Variants in BNIP5 observed in about 807,000 individuals in gnomAD.
BNIP5 encodes the protein protein BNIP5.
Under a neutral mutation model 67.3 loss-of-function variants are expected in BNIP5, and 61 were observed. The observed-to-expected ratio is 0.91, with a 90% CI of 0.74 to 1.12. The LOEUF is 1.12. Ranked by LOEUF, BNIP5 falls within the 50% of genes most tolerant of loss-of-function variation. The pLI, the probability that BNIP5 is intolerant of heterozygous loss-of-function variation, is 0.00. For missense variants in BNIP5, 826 were observed against 816.3 expected (o/e 1.01, Z -0.14); for synonymous variants, 317 against 319.0 (o/e 0.99, Z 0.07).
At chr6:36,320,273 A>G (rs1304458246) in intron 10 of BNIP5, among the ~76,000 whole-genome samples, 3 of 152,202 alleles carry the variant, frequency 2.0e-5, no homozygotes, top group African/African-American at 7.2e-5. Context: ...GAGACCTGGA[A>G]CAAGAATGGG....
rs549369060 is a variant in BNIP5 at position 36,330,694 on chromosome 6, G to A, written c.-4C>T. ...TTGGGCACCTTGGATTCTCCATCGG[G>A]CTGCAACCAAAACACACAGCTCCCT... On this transcript the variant is annotated splice_region_variant and 5_prime_UTR_variant, in exon 2 of 12. Transcript: ENST00000437635. 5 of 1,548,772 alleles carry A rather than the reference G, an allele frequency of 3.2e-6. No homozygotes were observed. The highest frequency in any genetic ancestry group is 4.3e-6 in the Non-Finnish European group (5 of 1,156,892).
At chr6:36,329,717 C>T (rs887280311) in intron 2 of BNIP5, among the ~76,000 whole-genome samples, 1 of 152,050 alleles carries the variant, frequency 6.6e-6, no homozygotes, top group African/African-American at 2.4e-5. Flanking sequence ...AAGGCTGAGG[C>T]AGGAGAATCA....
Position 36,330,606 on chromosome 6 carries a change from AGCCTTTCCCGGGG to A in BNIP5, c.72_84del (p.Pro25ArgfsTer72), listed in dbSNP as rs1242317958. The A allele has an allele frequency of 6.2e-7, 1 of 1,611,354 alleles. No homozygotes were observed. The highest frequency in any genetic ancestry group is 8.5e-7 in the Non-Finnish European group (1 of 1,180,012). ...AGCCAATGGCAGTCCCACGACTCCG[AGCCTTTCCCGGGG>A]GCCTGCGGCCTGTCCAGAGACCTGG... On this transcript the variant is annotated frameshift_variant, in exon 2 of 12. Transcript: ENST00000437635. LOFTEE classifies it high-confidence loss of function.
In BNIP5 at chr6:36,323,354, C is replaced by G. The variant is rs1236838924; in HGVS notation, c.1410G>C (p.Lys470Asn). 6.2e-7 allele frequency: 1 copy of G among 1,614,288 alleles called. No individual in the cohort carries two copies. The highest frequency in any genetic ancestry group is 1.7e-5 in the Admixed American group (1 of 60,034). Reference sequence around the variant, plus strand: ...CACACAGGGGCAGAAAGCTGGGCCTCTTGGGTCGTCGGGCCTCTGGGCTGG... The same window carrying G: ...CACACAGGGGCAGAAAGCTGGGCCTGTTGGGTCGTCGGGCCTCTGGGCTGG... ...GAASPEARRP[K>N]RPSFLPLCVG... The change falls in exon 8 of 12, where the codon AAG (lysine) becomes AAC (asparagine). Residue 470 changes from lysine (K) to asparagine (N), a missense_variant. Lys to Asn is a moderately conservative substitution (Grantham distance 94). Coordinates refer to ENST00000437635, the MANE Select transcript of BNIP5 (RefSeq NM_001010903.5).
In BNIP5 at chr6:36,326,752, T is replaced by G. The variant is rs111471663; in HGVS notation, c.794A>C (p.Gln265Pro). The G allele has an allele frequency of 1.8e-5, 29 of 1,614,008 alleles. No individual in the cohort carries two copies. In the African/African-American group the frequency reaches 2.3e-4, roughly 13 times the overall value. ...KRVGDQWEEE[Q>P]SLASQLGVAL... is the part of the protein sequence containing the mutation. ...CACCCCCAGCTGTGAGGCCAGAGATTGCTGTTGGGGAGAGGAGAAAAACTG... is the reference window on the plus strand; with the variant it reads ...CACCCCCAGCTGTGAGGCCAGAGATGGCTGTTGGGGAGAGGAGAAAAACTG... The change falls in exon 5 of 12, where the codon CAA becomes CCA. Residue 265 changes from glutamine (Q) to proline (P), a missense_variant and splice_region_variant. Gln to Pro is a moderately conservative substitution (Grantham distance 76, BLOSUM62 -1). Transcript: ENST00000437635.
At chr6:36,335,143 G>T (rs1205621398) in intron 1 of BNIP5, among the ~76,000 whole-genome samples, 5 of 152,220 alleles carry the variant, frequency 3.3e-5, no homozygotes, top group Non-Finnish European at 7.3e-5. Context: ...CGGGAAGTTT[G>T]CTTGCCTTCC....
chr6:36,330,826 C>G, intron 1 of BNIP5, 132 bp from the exon 2 acceptor site: 1 of 1,196,910 alleles, frequency 8.4e-7, no homozygotes. Context: ...TGCAGTGGCG[C>G]TATCTCAGCT....
chr6:36,326,429 A>T, intron 5 of BNIP5, 81 bp downstream of exon 5: 1 of 1,562,394 alleles, frequency 6.4e-7, no homozygotes, highest in Non-Finnish European at 8.7e-7. Flanking sequence ...AACCTTTAAA[A>T]TGGTCAATTC....
chr6:36,316,023 A>G lies in BNIP5; in HGVS notation c.*1333T>C, dbSNP rs1771506953. Reference sequence around the variant, plus strand: ...CTTCTCAGAAGCAGCAATAAAAACTAAATGGCTTTCCGGATAGGCTGAGTT... The same window carrying G: ...CTTCTCAGAAGCAGCAATAAAAACTGAATGGCTTTCCGGATAGGCTGAGTT... On this transcript the variant is annotated 3_prime_UTR_variant, in exon 12 of 12. Transcript: ENST00000437635. 1 of 153,936 alleles carries G rather than the reference A, an allele frequency of 6.5e-6. No homozygotes were observed. The highest frequency in any genetic ancestry group is 2.4e-5 in the African/African-American group (1 of 41,518). The allele number at this position is 153,936 out of a possible 1,614,324, so 9.5% of individuals were successfully genotyped here. A position where few individuals can be genotyped will look rare whatever the true frequency, so the allele number is the denominator to read the frequency against.
intron 7 of BNIP5, 63 bp from the exon 8 acceptor site, chr6:36,323,596 T>G (rs997407233): frequency 8.1e-6 from 13 of 1,595,576 alleles, no homozygotes; most frequent in Non-Finnish European, 1.1e-5. Context: ...TCAGGTGAGG[T>G]GGGGAAAGAG....
At position 36,326,942 on chromosome 6, in the gene BNIP5, C is replaced by A. The variant is rs1028136046; in HGVS notation, c.792+88G>T. The A allele has an allele frequency of 2.7e-5, 38 of 1,424,922 alleles. No individual in the cohort carries two copies. In the East Asian group the frequency reaches 8.4e-4, roughly 32 times the overall value. The allele number at this position is 1,424,922 out of a possible 1,614,324, so 88.3% of individuals were successfully genotyped here. A position where few individuals can be genotyped will look rare whatever the true frequency, so the allele number is the denominator to read the frequency against. On this transcript the variant is annotated intron_variant, in intron 4 of 11. Coordinates refer to ENST00000437635, the MANE Select transcript of BNIP5 (RefSeq NM_001010903.5). ...GCTTCAGGGAAGGAATGGACTAGAG[C>A]CCGGCCTGCAAGGACAGGTGGAGCT...
At chr6:36,325,591 T>G (rs1771745427) in intron 5 of BNIP5, among the ~76,000 whole-genome samples, 177 bp from the exon 6 acceptor site, 1 of 152,148 alleles carries the variant, frequency 6.6e-6, no homozygotes, top group Non-Finnish European at 1.5e-5. Context: ...CAGACCGAGT[T>G]CCCTTATCCC....
chr6:36,335,221 T>G (rs1561888767), intron 1 of BNIP5, among the ~76,000 whole-genome samples: 1 of 152,222 alleles, frequency 6.6e-6, no homozygotes, highest in Non-Finnish European at 1.5e-5. Context: ...TGCTGTTCTC[T>G]AATTTGTTCA....
At chr6:36,328,880 A>G (rs1403229554) in intron 2 of BNIP5, among the ~76,000 whole-genome samples, 166 bp from the exon 3 acceptor site, 2 of 152,070 alleles carry the variant, frequency 1.3e-5, no homozygotes, top group Non-Finnish European at 2.9e-5. Flanking sequence ...GAAACCCACT[A>G]AGATTTTTAT....
At chr6:36,326,008 T>C (rs1411005058) in intron 5 of BNIP5, among the ~76,000 whole-genome samples, 1 of 152,184 alleles carries the variant, frequency 6.6e-6, no homozygotes, top group Non-Finnish European at 1.5e-5. Context: ...TTGTACTCCA[T>C]GTGATGGCTG....
intron 1 of BNIP5, among the ~76,000 whole-genome samples, chr6:36,334,437 T>A (rs1282194828): frequency 6.6e-6 from 1 of 152,180 alleles, no homozygotes; most frequent in African/African-American, 2.4e-5. Context: ...CTTCAGTATT[T>A]GATACCAGCC....
intron 2 of BNIP5, 38 bp downstream of exon 2, chr6:36,330,043 C>T: frequency 6.4e-7 from 1 of 1,552,810 alleles, no homozygotes; most frequent in Non-Finnish European, 8.6e-7. Flanking sequence ...TTTAGAGCAC[C>T]CTAGGGGTTG....
At chr6:36,331,910 G>C (rs1771916033) in intron 1 of BNIP5, among the ~76,000 whole-genome samples, 1 of 151,940 alleles carries the variant, frequency 6.6e-6, no homozygotes, top group Non-Finnish European at 1.5e-5. Context: ...CACCCTGACG[G>C]CCCCCTGTGG....
At chr6:36,318,292 T>A (rs529713376) in intron 11 of BNIP5, among the ~76,000 whole-genome samples, 50 of 152,346 alleles carry the variant, frequency 3.3e-4, no homozygotes, top group Non-Finnish European at 5.9e-4. Flanking sequence ...TACACCTTCA[T>A]TCAGAGGCTT....
Sources: allele counts gnomAD v4.1 joint callset (sites outside exome capture counted in the v4.1 genomes callset), GRCh38; gene constraint gnomAD v4.1.1; transcripts MANE v1.5; gene names NCBI Gene and HGNC (gene_info 2026-07-23, HGNC 2026-07-21).